ZBTB44: variants seen among roughly 807,000 people sequenced by gnomAD.
ZBTB44 encodes the protein zinc finger and BTB domain-containing protein 44.
A neutral mutation model predicts 54.0 loss-of-function variants in ZBTB44; 15 were observed. That is an observed-to-expected ratio of 0.28 (90% confidence interval 0.19 to 0.43). The LOEUF is 0.43. Among genes scored for constraint, ZBTB44 ranks in the 20% least tolerant of loss-of-function variants. The probability of loss-of-function intolerance (pLI) is 1.00; values close to 1 mark genes in which losing one functional copy is unlikely to be tolerated. For synonymous variants in ZBTB44, 230 were observed against 250.1 expected (o/e 0.92, Z 0.76); for missense variants, 487 against 707.1 (o/e 0.69, Z 3.53).
At chr11:130,311,733 T>C (rs1942618807) in intron 1 of ZBTB44, among the ~76,000 whole-genome samples, 2 of 152,210 alleles carry the variant, frequency 1.3e-5, no homozygotes, top group South Asian at 2.1e-4. Flanking sequence ...TTGGTTTCTA[T>C]ATACGATTTC....
intron 1 of ZBTB44, among the ~76,000 whole-genome samples, chr11:130,297,938 C>G (rs1941750994): frequency 6.6e-6 from 1 of 152,118 alleles, no homozygotes; most frequent in African/African-American, 2.4e-5. Context: ...AAGAAACACA[C>G]TTTAAATAAA....
chr11:130,253,470 T>C (rs191093981), intron 2 of ZBTB44, among the ~76,000 whole-genome samples: 17 of 152,246 alleles, frequency 1.1e-4, no homozygotes, highest in Admixed American at 5.2e-4. Flanking sequence ...CTGTTCACAA[T>C]TGCTTCAAAG....
chr11:130,297,420 C>T (rs1490957702), intron 1 of ZBTB44, among the ~76,000 whole-genome samples: 1 of 152,150 alleles, frequency 6.6e-6, no homozygotes, highest in African/African-American at 2.4e-5. Context: ...TGGCTTTCGC[C>T]AACTTACCTC....
At chr11:130,276,336 A>C (rs1314459994) in intron 1 of ZBTB44, among the ~76,000 whole-genome samples, 1 of 151,642 alleles carries the variant, frequency 6.6e-6, no homozygotes, top group Non-Finnish European at 1.5e-5. Flanking sequence ...CATATACTCT[A>C]TTGTTGCTGG....
At chr11:130,247,617 T>TCC (rs1565650353) in intron 2 of ZBTB44, among the ~76,000 whole-genome samples, 16 of 152,220 alleles carry the variant, frequency 1.1e-4, no homozygotes, top group Non-Finnish European at 1.9e-4. Context: ...ATAGGTTGGA[T>TCC]TAGTTCATCT....
intron 1 of ZBTB44, among the ~76,000 whole-genome samples, chr11:130,284,492 AGCTAGGGATGTCAGTTACTTAATGTCAGG>A (rs1940787393): frequency 6.6e-6 from 1 of 152,212 alleles, no homozygotes; most frequent in African/African-American, 2.4e-5. Flanking sequence ...TTAACGTCAG[AGCTAGGGATGTCAGTTACTTAATGTCAGG>A]GCTAGGGATG....
At chr11:130,276,447 T>C (rs1480570297) in intron 1 of ZBTB44, among the ~76,000 whole-genome samples, 1 of 151,582 alleles carries the variant, frequency 6.6e-6, no homozygotes, top group East Asian at 1.9e-4. Context: ...TTTTTCTTTT[T>C]TTTTTGAGAC....
chr11:130,276,242 A>AAAACAAAAAAAAAAAAAAAAAAAG (rs1555171840), intron 1 of ZBTB44, among the ~76,000 whole-genome samples: 1 of 94,420 alleles, frequency 1.1e-5, no homozygotes, highest in Admixed American at 1.5e-4. Context: ...CAAAAAAAAA[A>AAAACAAAAAAAAAAAAAAAAAAAG]AAAAGAAAAA....
intron 2 of ZBTB44, among the ~76,000 whole-genome samples, chr11:130,248,656 C>T (rs1303772605): frequency 6.6e-6 from 1 of 151,808 alleles, no homozygotes; most frequent in Non-Finnish European, 1.5e-5. Context: ...ACCACAAAAA[C>T]AAAACAAAAA....
At chr11:130,286,950 C>G (rs1177999185) in intron 1 of ZBTB44, among the ~76,000 whole-genome samples, 1 of 152,206 alleles carries the variant, frequency 6.6e-6, no homozygotes, top group African/African-American at 2.4e-5. Flanking sequence ...ATTGACAGAT[C>G]TCTGACTCTA....
rs59112840 is a variant in ZBTB44, at chr11:130,276,242, A to AAAAAAAAAAAAAAAAAAAAAAAAAAAG, written c.-56-14314_-56-14313insCTTTTTTTTTTTTTTTTTTTTTTTTTT. ...CGTGAAACTCTGTCTCAAAAAAAAA[A>AAAAAAAAAAAAAAAAAAAAAAAAAAAG]AAAAGAAAAAAGAAATCAGAGGTTT... On this transcript the variant is annotated intron_variant, in intron 1 of 7. Transcript: ENST00000357899. Among the ~76,000 whole-genome samples, 61 of 94,404 alleles carry AAAAAAAAAAAAAAAAAAAAAAAAAAAG rather than the reference A, an allele frequency of 6.5e-4. 2 individuals carry two copies. The highest frequency in any genetic ancestry group is 1.6e-3 in the African/African-American group (43 of 27,406). The allele number at this position is 94,404 out of a possible 152,430, so 61.9% of individuals were successfully genotyped here.
chr11:130,239,736 CTT>C (rs1282890403), intron 3 of ZBTB44, 74 bp downstream of exon 3: 2 of 1,205,260 alleles, frequency 1.7e-6, no homozygotes, highest in South Asian at 1.3e-5. Context: ...TTCTACAACT[CTT>C]GAGATGAAAT....
intron 2 of ZBTB44, among the ~76,000 whole-genome samples, chr11:130,248,417 G>A (rs564884399): frequency 1.3e-5 from 2 of 152,116 alleles, no homozygotes; most frequent in African/African-American, 2.4e-5. Flanking sequence ...TGAGGCAGGC[G>A]ATCACTTGAG....
intron 1 of ZBTB44, among the ~76,000 whole-genome samples, chr11:130,268,858 G>A (rs1439360859): frequency 6.6e-6 from 1 of 151,598 alleles, no homozygotes; most frequent in Non-Finnish European, 1.5e-5. Flanking sequence ...GGGATTACAG[G>A]TGTGAGCCAT....
intron 1 of ZBTB44, among the ~76,000 whole-genome samples, chr11:130,293,636 A>AG (rs1941446389): frequency 6.6e-6 from 1 of 151,526 alleles, no homozygotes; most frequent in African/African-American, 2.4e-5. Context: ...AAAAAAAAAA[A>AG]AAAGAAAGAA....
At chr11:130,271,091 C>T (rs1939633324) in intron 1 of ZBTB44, among the ~76,000 whole-genome samples, 2 of 152,134 alleles carry the variant, frequency 1.3e-5, no homozygotes, top group African/African-American at 4.8e-5. Context: ...CAGTATTGCA[C>T]ATAACATACA....
At chr11:130,300,718 T>C (rs1298617638) in intron 1 of ZBTB44, among the ~76,000 whole-genome samples, 3 of 152,180 alleles carry the variant, frequency 2.0e-5, no homozygotes, top group South Asian at 2.1e-4. Context: ...CAAAGTCTAT[T>C]TGATTTAGCC....
In ZBTB44 at chr11:130,238,600, T is replaced by C. The variant is rs201162564; in HGVS notation, c.1111A>G (p.Asn371Asp). The change falls in exon 4 of 8, where the codon AAT becomes GAT. Residue 371 changes from asparagine to aspartate, a missense_variant. Coordinates refer to ENST00000357899, the MANE Select transcript of ZBTB44 (RefSeq NM_001301098.2). ...TAGAGTTGGTAGGGATACTGAACAT[T>C]TTCCAATCTAAAAAAAACAGACCAA... ...APPDDDDRLENVQYPYQLYIA... is the reference protein window; with the variant it reads ...APPDDDDRLEDVQYPYQLYIA... 2.1e-5 allele frequency: 34 copies of C among 1,610,070 alleles called. No homozygotes were observed. The highest frequency in any genetic ancestry group is 5.1e-5 in the Admixed American group (3 of 59,212).
chr11:130,267,744 T>A (rs536312076), intron 1 of ZBTB44, among the ~76,000 whole-genome samples: 3 of 152,078 alleles, frequency 2.0e-5, no homozygotes, highest in East Asian at 1.9e-4. Context: ...TAATATGCTA[T>A]CAAACAGCAT....
Sources: allele counts gnomAD v4.1 joint callset (sites outside exome capture counted in the v4.1 genomes callset), GRCh38; gene constraint gnomAD v4.1.1; transcripts MANE v1.5; gene names NCBI Gene and HGNC (gene_info 2026-07-23, HGNC 2026-07-21).